The following BRCA2 variants were observed in gnomAD, a reference collection of about 807,000 sequenced individuals.
BRCA2 encodes the protein BRCA2 DNA repair associated, also known as breast cancer type 2 susceptibility protein.
Under a neutral mutation model 276.7 loss-of-function variants are expected in BRCA2, and 203 were observed. The observed-to-expected ratio is 0.73, with a 90% CI of 0.65 to 0.82. The LOEUF is 0.82. BRCA2 is among the 40% of genes least tolerant of loss of function. The pLI is 0.00. For synonymous variants in BRCA2, 1,289 were observed against 1,338.4 expected (o/e 0.96, Z 0.81); for missense variants, 3,920 against 3,915.0 (o/e 1.00, Z -0.03).
chr13:32,330,734 G>A (rs1000568331), intron 8 of BRCA2, among the ~76,000 whole-genome samples, 185 bp from the exon 9 acceptor site: 1 of 152,080 alleles, frequency 6.6e-6, no homozygotes, highest in African/African-American at 2.4e-5. Flanking sequence ...ACACTACTCA[G>A]GATGACACAC....
rs587782599 is a variant in BRCA2, at chr13:32,394,827, A to G, written c.9395A>G (p.Lys3132Arg). The G allele has an allele frequency of 1.2e-6, 2 of 1,614,150 alleles. No individual in the cohort carries two copies. ...AACCTCCAGTGGCGACCAGAATCCA[A>G]ATCAGGCCTTCTTACTTTATTTGCT... is the stretch of plus-strand genomic sequence containing the variant. ...ASNLQWRPES[K>R]SGLLTLFAGD... The change falls in exon 25 of 27, where the codon AAA (lysine) becomes AGA (arginine). Residue 3132 changes from lysine (K) to arginine (R), a missense_variant. This residue lies in a region of BRCA2 where 657 missense variants were observed against 758.2 expected (regional missense o/e 0.87). Transcript: ENST00000380152.
In BRCA2 at chr13:32,326,231, T is replaced by C. The variant is rs1555280973; in HGVS notation, c.476-11T>C. 6.2e-7 allele frequency: 1 copy of C among 1,613,306 alleles called. No individual in the cohort carries two copies. Among genetic ancestry groups the C allele is most frequent in the African/African-American group, 1.3e-5 (1 of 75,042 alleles). Reference sequence around the variant, plus strand: ...TAAAACTTAACAATTTTCCCCTTTTTTTACCCCCAGTGGTATGTGGGAGTT... The same window carrying C: ...TAAAACTTAACAATTTTCCCCTTTTCTTACCCCCAGTGGTATGTGGGAGTT... On this transcript the variant is annotated splice_polypyrimidine_tract_variant and intron_variant, in intron 5 of 26. Transcript: ENST00000380152.
rs786203378 is a variant in BRCA2 at position 32,337,709 on chromosome 13, A to G, written c.3354A>G (p.Leu1118=). 2 of 1,612,620 alleles carry G rather than the reference A, an allele frequency of 1.2e-6. No individual in the cohort carries two copies. Among genetic ancestry groups the G allele is most frequent in the African/African-American group, 1.3e-5 (1 of 74,954 alleles). The change falls in exon 11 of 27, where the codon TTA becomes TTG. Residue 1118 remains leucine (L), a synonymous_variant. Coordinates refer to ENST00000380152, the MANE Select transcript of BRCA2 (RefSeq NM_000059.4). ...KAEITELSTI[L]EESGSQFEFT... is the part of the protein sequence containing the mutation. ...AAATTACAGAACTTTCTACTATATT[A>G]GAAGAATCAGGAAGTCAGTTTGAAT... is the stretch of plus-strand genomic sequence containing the variant.
At chr13:32,341,625 G>C (rs533866598) in intron 11 of BRCA2, among the ~76,000 whole-genome samples, 1 of 152,126 alleles carries the variant, frequency 6.6e-6, no homozygotes, top group African/African-American at 2.4e-5. Context: ...GTTGGTTTCC[G>C]GGAGGCCGAG....
chr13:32,357,633 A>G, intron 15 of BRCA2, 109 bp from the exon 16 acceptor site: 1 of 1,107,674 alleles, frequency 9.0e-7, no homozygotes, highest in Non-Finnish European at 1.3e-6. Flanking sequence ...CTAGTAGTTA[A>G]TGAAAATTTT....
chr13:32,325,821 T>C (rs965106855), intron 4 of BRCA2, among the ~76,000 whole-genome samples: 1 of 152,224 alleles, frequency 6.6e-6, no homozygotes, highest in Admixed American at 6.5e-5. Flanking sequence ...ATTACAGGCG[T>C]GAACCACTGT....
intron 24 of BRCA2, among the ~76,000 whole-genome samples, chr13:32,383,776 A>G (rs539948615): frequency 6.6e-6 from 1 of 151,854 alleles, no homozygotes; most frequent in South Asian, 2.1e-4. Flanking sequence ...TTAGGGTTTT[A>G]GAGGGAGTGA....
intron 20 of BRCA2, among the ~76,000 whole-genome samples, chr13:32,376,192 T>G (rs2072870173): frequency 6.6e-6 from 1 of 152,160 alleles, no homozygotes; most frequent in Admixed American, 6.6e-5. Flanking sequence ...TTTTTTTTTT[T>G]TTAAACATGA....
At chr13:32,341,278 A>G (rs1593910055) in intron 11 of BRCA2, 82 bp downstream of exon 11, 2 of 1,256,792 alleles carry the variant, frequency 1.6e-6, no homozygotes, top group East Asian at 2.9e-5. Context: ...GCTAACAATT[A>G]AGAGTGTTAT....
chr13:32,364,304 CA>C (rs1005218349), intron 18 of BRCA2, among the ~76,000 whole-genome samples: 1 of 151,556 alleles, frequency 6.6e-6, no homozygotes, highest in Admixed American at 6.6e-5. Flanking sequence ...GACATATAAC[CA>C]AAAAAAAGCA....
rs1256857369 is a variant in BRCA2, at chr13:32,338,480, G to T, written c.4125G>T (p.Glu1375Asp). 6.2e-7 allele frequency: 1 copy of T among 1,609,964 alleles called. No homozygotes were observed. The highest frequency in any genetic ancestry group is 2.2e-5 in the East Asian group (1 of 44,808). The change falls in exon 11 of 27, where the codon GAG (glutamate) becomes GAT (aspartate). Residue 1375 changes from glutamate (E) to aspartate (D), a missense_variant. Transcript: ENST00000380152. ...AATTATCTGGCCAGTTTATGAAGGAGGGAAACACTCAGATTAAAGAAGATT... is the reference window on the plus strand; with the variant it reads ...AATTATCTGGCCAGTTTATGAAGGATGGAAACACTCAGATTAAAGAAGATT... ...CLKLSGQFMK[E>D]GNTQIKEDLS...
intron 16 of BRCA2, among the ~76,000 whole-genome samples, chr13:32,358,635 A>G (rs2072717683): frequency 6.6e-6 from 1 of 150,790 alleles, no homozygotes; most frequent in Non-Finnish European, 1.5e-5. Context: ...CTACAAACAA[A>G]TTAAAAAATT....
rs553719973 is a variant in BRCA2, at chr13:32,350,937, A to C, written c.7008-3924A>C. ...TCTGTCCGGCTAAAGGATTGTAAACACACCAATCAGCGCTCTGTGTCTAGC... is the reference window on the plus strand; with the variant it reads ...TCTGTCCGGCTAAAGGATTGTAAACCCACCAATCAGCGCTCTGTGTCTAGC... On this transcript the variant is annotated intron_variant, in intron 13 of 26. Transcript: ENST00000380152. Among the ~76,000 whole-genome samples the C allele has an allele frequency of 2.6e-3, 400 of 152,222 alleles. 3 individuals carry two copies. The highest frequency in any genetic ancestry group is 9.3e-3 in the African/African-American group (386 of 41,526).
intron 7 of BRCA2, 86 bp downstream of exon 7, chr13:32,326,699 G>C (rs2137453514): frequency 9.8e-7 from 1 of 1,015,368 alleles, no homozygotes; most frequent in Non-Finnish European, 1.5e-6. Context: ...AAGGAAATAT[G>C]AAAAGAAAAT....
chr13:32,341,309 T>C, intron 11 of BRCA2, 113 bp downstream of exon 11: 1 of 1,484,286 alleles, frequency 6.7e-7, no homozygotes, highest in South Asian at 1.1e-5. Context: ...TTTTCAGCCA[T>C]TTTTGTGTAG....
rs752881400 is a variant in BRCA2, at chr13:32,326,496, C to T, written c.517-3C>T. On this transcript the variant is annotated splice_region_variant and splice_polypyrimidine_tract_variant and intron_variant, in intron 6 of 26. Coordinates refer to ENST00000380152, the MANE Select transcript of BRCA2 (RefSeq NM_000059.4). ...AAAAATAAACTATTTTCTTTCCTCC[C>T]AGGGTCGTCAGACACCAAAACATAT... The T allele has an allele frequency of 6.3e-7, 1 of 1,597,704 alleles. No homozygotes were observed. Among genetic ancestry groups the T allele is most frequent in the Non-Finnish European group, 8.6e-7 (1 of 1,165,140 alleles).
At chr13:32,319,419 A>G (rs1179399275) in intron 3 of BRCA2, 94 bp downstream of exon 3, 55 of 1,282,242 alleles carry the variant, frequency 4.3e-5, no homozygotes. Flanking sequence ...TAATTGTGTC[A>G]TGCTGGGCAA....
intron 18 of BRCA2, among the ~76,000 whole-genome samples, chr13:32,368,084 A>G (rs2072798115): frequency 8.1e-6 from 1 of 123,204 alleles, no homozygotes; most frequent in Non-Finnish European, 1.6e-5. Flanking sequence ...CAGTGGCACG[A>G]TCTTGGCTCA....
Position 32,340,658 on chromosome 13 carries a change from T to C in BRCA2, c.6303T>C (p.Asn2101=). The change falls in exon 11 of 27, where the codon AAT becomes AAC. Residue 2101 remains asparagine (N), a synonymous_variant. Transcript: ENST00000380152. ...ACTATTCACCTACGTCTAGACAAAA[T>C]GTATCAAAAATACTTCCTCGTGTTG... is the stretch of plus-strand genomic sequence containing the variant. The part of the protein sequence containing the change: ...SLHYSPTSRQ[N]VSKILPRVDK... The C allele has an allele frequency of 6.2e-7, 1 of 1,606,918 alleles. No homozygotes were observed. The highest frequency in any genetic ancestry group is 8.5e-7 in the Non-Finnish European group (1 of 1,178,192).
Sources: gnomAD v4.1 joint callset for allele counts (sites outside exome capture counted in the v4.1 genomes callset) on GRCh38, gnomAD v4.1.1 for gene constraint, gnomAD v4.1.1 regional missense constraint, MANE v1.5 for transcripts, NCBI Gene and HGNC (gene_info 2026-07-23, HGNC 2026-07-21) for gene names.